The following TOP1 variants were observed in gnomAD, a reference collection of about 807,000 sequenced individuals.
TOP1 encodes the protein DNA topoisomerase I.
TOP1 carries 10 observed loss-of-function variants against 111.1 expected under a neutral mutation model. That is an observed-to-expected ratio of 0.09 (90% CI 0.06 to 0.15). TOP1 has a LOEUF of 0.15. Ranked by LOEUF, TOP1 falls within the 10% of genes least tolerant of loss-of-function variation. The pLI is 1.00. For missense variants in TOP1, 474 were observed against 926.7 expected (o/e 0.51, Z 6.34); for synonymous variants, 271 against 302.9 (o/e 0.89, Z 1.10).
chr20:41,044,753 T>G lies in TOP1; in HGVS notation c.58+15298T>G, dbSNP rs549861680. Reference sequence around the variant, plus strand: ...CCTATATTTGTGCTGTCCAATATGGTAGCTATTAGCCATATGAGGTGTGTC... The same window carrying G: ...CCTATATTTGTGCTGTCCAATATGGGAGCTATTAGCCATATGAGGTGTGTC... On this transcript the variant is annotated intron_variant, in intron 2 of 20. Transcript: ENST00000361337. Among the ~76,000 whole-genome samples the G allele has an allele frequency of 9.6e-4, 146 of 152,280 alleles. 2 individuals are homozygous for G. The highest frequency in any genetic ancestry group is 7.7e-3 in the South Asian group (37 of 4,828).
intron 3 of TOP1, among the ~76,000 whole-genome samples, chr20:41,063,681 G>T (rs2033573421): frequency 6.6e-6 from 1 of 152,130 alleles, no homozygotes; most frequent in Non-Finnish European, 1.5e-5. Context: ...GCATTTCTCT[G>T]ATGATTAGGG....
rs555307038 is a variant in TOP1 at position 41,071,379 on chromosome 20, T to G, written c.156-4792T>G. Among the ~76,000 whole-genome samples the G allele has an allele frequency of 6.6e-6, 1 of 152,046 alleles. No homozygotes were observed. Among genetic ancestry groups the G allele is most frequent in the South Asian group, 2.1e-4 (1 of 4,806 alleles). ...TTTTTTTTTTGAGATGGAGCCTCAG[T>G]CTATCGCCAGGCTGGAGTGCAGTGG... is the stretch of plus-strand genomic sequence containing the variant. On this transcript the variant is annotated intron_variant, in intron 3 of 20. Coordinates refer to ENST00000361337, the MANE Select transcript of TOP1 (RefSeq NM_003286.4). This position sits in a 1 kb window ranked among gnomAD's most constrained non-coding sequence, Gnocchi z 4.3.
At chr20:41,063,831 G>A (rs376311412) in intron 3 of TOP1, among the ~76,000 whole-genome samples, 9 of 151,496 alleles carry the variant, frequency 5.9e-5, no homozygotes, top group Admixed American at 1.3e-4. Context: ...TATAGATTCT[G>A]GATATTATAC....
In TOP1 at chr20:41,072,647, C is replaced by T. The variant is rs915934398; in HGVS notation, c.156-3524C>T. ...GGTTTGCTCTTTGCCAGCACTCCTG[C>T]CGGTTTGGGGGTTATGGATGCCAGG... On this transcript the variant is annotated intron_variant, in intron 3 of 20. Coordinates refer to ENST00000361337, the MANE Select transcript of TOP1 (RefSeq NM_003286.4). 1.4e-5 allele frequency: 14 copies of T among 985,408 alleles called. No individual in the cohort carries two copies. The African/African-American group carries it at 2.4e-4, about 17-fold the overall frequency. The allele number at this position is 985,408 out of a possible 1,614,324, so 61.0% of individuals were successfully genotyped here.
In TOP1 at chr20:41,123,209, G is replaced by T. The variant is rs1330156507; in HGVS notation, c.2210G>T (p.Gly737Val). 1.9e-6 allele frequency: 3 copies of T among 1,613,998 alleles called. No individual in the cohort carries two copies. Among genetic ancestry groups the T allele is most frequent in the Non-Finnish European group, 2.5e-6 (3 of 1,179,870 alleles). ...TTTGTTTGCAGGTGCAAGAAGTGGG[G>T]TGTCCCAATTGAGAAGATTTACAAC... is the stretch of plus-strand genomic sequence containing the variant. The part of the protein sequence containing the change: ...RITVAWCKKW[G>V]VPIEKIYNKT... The change falls in exon 21 of 21, where the codon GGT becomes GTT. Residue 737 changes from glycine (G) to valine (V), a missense_variant. Transcript: ENST00000361337. The surrounding 1 kb of genome is among the most constrained non-coding windows in gnomAD (Gnocchi z 5.8).
chr20:41,112,661 C>G lies in TOP1; in HGVS notation c.1309-121C>G, dbSNP rs2034261467. 4 of 1,097,500 alleles carry G rather than the reference C, an allele frequency of 3.6e-6. No homozygotes were observed. The highest frequency in any genetic ancestry group is 5.2e-6 in the Non-Finnish European group (4 of 764,012). The allele number at this position is 1,097,500 out of a possible 1,614,324, so 68.0% of individuals were successfully genotyped here. A position where few individuals can be genotyped will look rare whatever the true frequency, so the allele number is the denominator to read the frequency against. On this transcript the variant is annotated intron_variant, in intron 13 of 20. Transcript: ENST00000361337. This position sits in a 1 kb window ranked among gnomAD's most constrained non-coding sequence, Gnocchi z 5.8. ...TCCTGCGTTCAAGCAATTCTTGTGT[C>G]TTAGCCTCCCTATTAGCTAGCTGGG...
At chr20:41,037,367 G>A (rs2033202705) in intron 2 of TOP1, among the ~76,000 whole-genome samples, 1 of 152,034 alleles carries the variant, frequency 6.6e-6, no homozygotes, top group Non-Finnish European at 1.5e-5. Flanking sequence ...AATATGTCTT[G>A]TGTCAGCATA....
rs1313569295 is a variant in TOP1 at position 41,122,982 on chromosome 20, C to G, written c.2196-213C>G. On this transcript the variant is annotated intron_variant, in intron 20 of 20. Transcript: ENST00000361337. The surrounding 1 kb of genome is among the most constrained non-coding windows in gnomAD (Gnocchi z 5.4). ...CTCAGTTTCATCTGTACGTTTTTCA[C>G]TTGTACATCTGCAGAAGCACCTACT... is the stretch of plus-strand genomic sequence containing the variant. Among the ~76,000 whole-genome samples, 1 of 152,206 alleles carries G rather than the reference C, an allele frequency of 6.6e-6. No individual in the cohort carries two copies. Among genetic ancestry groups the G allele is most frequent in the Non-Finnish European group, 1.5e-5 (1 of 68,042 alleles).
chr20:41,050,238 G>T (rs1309894891), intron 2 of TOP1, among the ~76,000 whole-genome samples: 3 of 152,162 alleles, frequency 2.0e-5, no homozygotes, highest in South Asian at 2.1e-4. Flanking sequence ...GGCTGGTCTT[G>T]AACTCCTGAA....
rs2034010508 is a variant in TOP1 at position 41,098,312 on chromosome 20, A to G, written c.950A>G (p.Lys317Arg). 6.2e-7 allele frequency: 1 copy of G among 1,613,950 alleles called. No homozygotes were observed. Among genetic ancestry groups the G allele is most frequent in the African/African-American group, 1.3e-5 (1 of 74,938 alleles). Residue 317 changes from lysine to arginine, a missense_variant, in exon 11 of 21, where the codon AAA becomes AGA. Transcript: ENST00000361337. The surrounding 1 kb of genome is among the most constrained non-coding windows in gnomAD (Gnocchi z 5.7). ...TTCAAAGCCCAGACGGAAGCTCGGA[A>G]ACAGATGAGCAAGGAAGAGAAACTG... Reference protein sequence around the residue: ...QYFKAQTEARKQMSKEEKLKI... With the variant: ...QYFKAQTEARRQMSKEEKLKI...
At chr20:41,117,380 A>ATTTTTTTTTTTTTTTTTTTTTTTTT (rs1192075214) in intron 17 of TOP1, among the ~76,000 whole-genome samples, 6 of 85,530 alleles carry the variant, frequency 7.0e-5, no homozygotes, top group African/African-American at 4.9e-5. Flanking sequence ...CTGTGGCTTA[A>ATTTTTTTTTTTTTTTTTTTTTTTTT]TTTTTTTTTT....
At chr20:41,065,934 A>G (rs754958651) in intron 3 of TOP1, among the ~76,000 whole-genome samples, 6 of 152,084 alleles carry the variant, frequency 3.9e-5, no homozygotes, top group East Asian at 1.9e-4. Flanking sequence ...GCTGCCTGCT[A>G]TGTTTTTACT....
chr20:41,101,765 T>C lies in TOP1; in HGVS notation c.1308+412T>C, dbSNP rs1338742456. Among the ~76,000 whole-genome samples, 1 of 152,254 alleles carries C rather than the reference T, an allele frequency of 6.6e-6. No homozygotes were observed. The highest frequency in any genetic ancestry group is 1.5e-5 in the Non-Finnish European group (1 of 68,046). On this transcript the variant is annotated intron_variant, in intron 13 of 20. Transcript: ENST00000361337. The surrounding 1 kb of genome is among the most constrained non-coding windows in gnomAD (Gnocchi z 4.1). ...ACCTCTCTTGGTTATGAGAAGGGAATGTAGTTTCTGTATATCCTGAAACAA... is the reference window on the plus strand; with the variant it reads ...ACCTCTCTTGGTTATGAGAAGGGAACGTAGTTTCTGTATATCCTGAAACAA...
chr20:41,054,486 G>A (rs548630001), intron 2 of TOP1, among the ~76,000 whole-genome samples: 5 of 152,246 alleles, frequency 3.3e-5, no homozygotes, highest in South Asian at 2.1e-4. Flanking sequence ...TATTAGCAGC[G>A]TGAGAATGGA....
Position 41,065,169 on chromosome 20 carries a change from T to C in TOP1, c.155+3679T>C, listed in dbSNP as rs760508583. On this transcript the variant is annotated intron_variant, in intron 3 of 20. Transcript: ENST00000361337. ...ATCTGCCCACCTTGGCCTCCCAAAGTGCTAGGATTACAGGTGTGAGCCACC... is the reference window on the plus strand; with the variant it reads ...ATCTGCCCACCTTGGCCTCCCAAAGCGCTAGGATTACAGGTGTGAGCCACC... 2.4e-4 allele frequency among the ~76,000 whole-genome samples: 36 copies of C among 152,216 alleles called. 1 individual carries two copies. Among genetic ancestry groups the C allele is most frequent in the Admixed American group, 4.6e-4 (7 of 15,288 alleles).
In TOP1 at chr20:41,028,948, G is replaced by A. The variant is rs1459267781; in HGVS notation, c.-120G>A. 10 of 812,982 alleles carry A rather than the reference G, an allele frequency of 1.2e-5. No individual in the cohort carries two copies. Among genetic ancestry groups the A allele is most frequent in the Admixed American group, 9.2e-5 (4 of 43,614 alleles). The allele number at this position is 812,982 out of a possible 1,614,324, so 50.4% of individuals were successfully genotyped here. On this transcript the variant is annotated 5_prime_UTR_variant, in exon 1 of 21. Transcript: ENST00000361337. Reference sequence around the variant, plus strand: ...CTGGAGTCTCGGGCCCACAGTCACCGCCGCTTACCTGCGCCTCCTCGAGCC... The same window carrying A: ...CTGGAGTCTCGGGCCCACAGTCACCACCGCTTACCTGCGCCTCCTCGAGCC...
rs918648577 is a variant in TOP1, at chr20:41,058,824, C to T, written c.59-2570C>T. Among the ~76,000 whole-genome samples the T allele has an allele frequency of 2.6e-5, 4 of 151,902 alleles. No individual in the cohort carries two copies. The highest frequency in any genetic ancestry group is 4.8e-5 in the African/African-American group (2 of 41,328). On this transcript the variant is annotated intron_variant, in intron 2 of 20. Transcript: ENST00000361337. This position sits in a 1 kb window ranked among gnomAD's most constrained non-coding sequence, Gnocchi z 4.2. ...ATAGACCTATAATTATATGACCGCTCGAAAACGCCAAGACAATTTAATGGG... is the reference window on the plus strand; with the variant it reads ...ATAGACCTATAATTATATGACCGCTTGAAAACGCCAAGACAATTTAATGGG...
At chr20:41,103,084 A>G (rs1054383720) in intron 13 of TOP1, among the ~76,000 whole-genome samples, 2 of 152,354 alleles carry the variant, frequency 1.3e-5, no homozygotes, top group East Asian at 3.9e-4. Flanking sequence ...GTTGCACAAC[A>G]TTGTGGATAT....
Position 41,061,107 on chromosome 20 carries a change from A to T in TOP1, c.59-287A>T, listed in dbSNP as rs1221535485. Among the ~76,000 whole-genome samples, 1 of 152,212 alleles carries T rather than the reference A, an allele frequency of 6.6e-6. No individual in the cohort carries two copies. Among genetic ancestry groups the T allele is most frequent in the East Asian group, 1.9e-4 (1 of 5,202 alleles). Reference sequence around the variant, plus strand: ...TCATTTATAGGTCAGGCTTAATAGTATTATGTCTAGGGAGAAAAACGCCAA... The same window carrying T: ...TCATTTATAGGTCAGGCTTAATAGTTTTATGTCTAGGGAGAAAAACGCCAA... On this transcript the variant is annotated intron_variant, in intron 2 of 20. Transcript: ENST00000361337. This position sits in a 1 kb window ranked among gnomAD's most constrained non-coding sequence, Gnocchi z 4.6.
Sources: gnomAD v4.1 joint callset for allele counts (sites outside exome capture counted in the v4.1 genomes callset) on GRCh38, gnomAD v4.1.1 for gene constraint, Gnocchi (gnomAD v3.1) non-coding constraint, MANE v1.5 for transcripts, NCBI Gene and HGNC (gene_info 2026-07-23, HGNC 2026-07-21) for gene names.